The following PCDH7 variants were observed in gnomAD, a reference collection of about 807,000 sequenced individuals.
The protein encoded by PCDH7 is protocadherin-7.
PCDH7 carries 17 observed loss-of-function variants against 58.9 expected under a neutral mutation model. The observed-to-expected ratio is 0.29, with a 90% CI of 0.20 to 0.43. PCDH7 has a LOEUF of 0.43. Among genes scored for constraint, PCDH7 ranks in the 20% least tolerant of loss-of-function variants. The pLI, the probability that PCDH7 is intolerant of heterozygous loss-of-function variation, is 1.00. For synonymous variants in PCDH7, 664 were observed against 616.4 expected (o/e 1.08, Z -1.14); for missense variants, 1,274 against 1,441.0 (o/e 0.88, Z 1.88).
chr4:31,137,538 C>G (rs1450033525), intron 3 of PCDH7, among the ~76,000 whole-genome samples: 4 of 152,156 alleles, frequency 2.6e-5, no homozygotes, highest in Admixed American at 1.3e-4. Flanking sequence ...GAGCCGAGAT[C>G]GTGCCACTGC....
At chr4:30,924,756 C>A (rs1743620744) in intron 2 of PCDH7, among the ~76,000 whole-genome samples, 1 of 149,546 alleles carries the variant, frequency 6.7e-6, no homozygotes. Context: ...AGACATTTCA[C>A]AATAGAATAA....
intron 3 of PCDH7, among the ~76,000 whole-genome samples, chr4:30,969,378 T>C (rs1372386660): frequency 6.6e-6 from 1 of 152,156 alleles, no homozygotes; most frequent in African/African-American, 2.4e-5. Flanking sequence ...CTCAAAGCTT[T>C]CCAGGGGAAT....
intron 3 of PCDH7, among the ~76,000 whole-genome samples, chr4:31,016,864 G>A (rs1205149468): frequency 6.7e-6 from 1 of 149,450 alleles, no homozygotes; most frequent in Non-Finnish European, 1.5e-5. Flanking sequence ...GTGTGTGTGT[G>A]TGCTGAGTGT....
chr4:31,020,091 T>C (rs1482935236), intron 3 of PCDH7, among the ~76,000 whole-genome samples: 2 of 152,076 alleles, frequency 1.3e-5, no homozygotes, highest in Non-Finnish European at 2.9e-5. Context: ...AGACCCCTAG[T>C]CCCATTGATC....
intron 2 of PCDH7, among the ~76,000 whole-genome samples, chr4:30,936,730 C>T (rs28676746): frequency 0.037 from 5,550 of 151,916 alleles, 341 homozygotes; most frequent in African/African-American, 0.13. Flanking sequence ...ATAACTCAGA[C>T]GGTCAAATAT....
At chr4:30,921,720 C>T (rs1743207079) in intron 2 of PCDH7, among the ~76,000 whole-genome samples, 1 of 151,336 alleles carries the variant, frequency 6.6e-6, no homozygotes, top group Admixed American at 6.6e-5. Flanking sequence ...GGTGTGGTTT[C>T]TAAGAGTTAC....
chr4:30,971,421 C>T (rs1436912038), intron 3 of PCDH7, among the ~76,000 whole-genome samples: 4 of 152,142 alleles, frequency 2.6e-5, no homozygotes, highest in African/African-American at 7.2e-5. Context: ...AGGATTATTT[C>T]GCTAAAATGT....
At chr4:31,086,927 G>T (rs983880621) in intron 3 of PCDH7, among the ~76,000 whole-genome samples, 2 of 152,130 alleles carry the variant, frequency 1.3e-5, no homozygotes, top group Admixed American at 1.3e-4. Context: ...ACATAGCCAA[G>T]AATACCATCT....
intron 1 of PCDH7, among the ~76,000 whole-genome samples, chr4:30,907,524 G>T (rs989815212): frequency 1.3e-5 from 2 of 152,174 alleles, no homozygotes; most frequent in African/African-American, 2.4e-5. Flanking sequence ...GGTCATCAGA[G>T]AAATGCAAAT....
At chr4:30,825,192 GC>G (rs1728942317) in intron 1 of PCDH7, among the ~76,000 whole-genome samples, 2 of 152,082 alleles carry the variant, frequency 1.3e-5, no homozygotes, top group African/African-American at 4.8e-5. Flanking sequence ...TCCCTCTAGT[GC>G]TTTGACATTG....
intron 3 of PCDH7, among the ~76,000 whole-genome samples, chr4:31,111,493 A>G (rs1716313331): frequency 6.6e-6 from 1 of 151,980 alleles, no homozygotes; most frequent in African/African-American, 2.4e-5. Flanking sequence ...TATTTTTAGT[A>G]GAGACGGGGT....
At chr4:30,887,097 A>ATT (rs1737923568) in intron 1 of PCDH7, among the ~76,000 whole-genome samples, 1 of 151,854 alleles carries the variant, frequency 6.6e-6, no homozygotes, top group Non-Finnish European at 1.5e-5. Flanking sequence ...AACCTGCACA[A>ATT]TGTGCAGGTT....
At chr4:30,963,843 A>G (rs114634299) in intron 3 of PCDH7, among the ~76,000 whole-genome samples, 5,222 of 152,316 alleles carry the variant, frequency 0.034, 128 homozygotes, top group Non-Finnish European at 0.053. Context: ...TAAGAACAAG[A>G]CTGAATTCAG....
rs563604672 is a variant in PCDH7 at position 31,022,602 on chromosome 4, T to C, written c.*7+72387T>C. 3.4e-3 allele frequency among the ~76,000 whole-genome samples: 512 copies of C among 152,278 alleles called. 4 individuals carry two copies. The highest frequency in any genetic ancestry group is 6.3e-3 in the Non-Finnish European group (429 of 68,002). ...TCAAAAAGAGATTTTAACCCAGGTA[T>C]TGCAAGTGTAAATCATATTTATCAT... On this transcript the variant is annotated intron_variant, in intron 3 of 3. Coordinates refer to the PCDH7 transcript ENST00000509759.
intron 3 of PCDH7, among the ~76,000 whole-genome samples, chr4:31,119,427 A>C (rs1717385404): frequency 6.6e-6 from 1 of 152,094 alleles, no homozygotes; most frequent in Non-Finnish European, 1.5e-5. Flanking sequence ...CCAACTGCAA[A>C]TCCATATGGG....
intron 1 of PCDH7, among the ~76,000 whole-genome samples, chr4:30,799,919 T>A (rs1332637889): frequency 6.6e-6 from 1 of 151,712 alleles, no homozygotes; most frequent in Non-Finnish European, 1.5e-5. Flanking sequence ...AATGGCGCAA[T>A]CTTGGCTCAC....
intron 3 of PCDH7, among the ~76,000 whole-genome samples, chr4:31,000,173 A>G (rs1278866234): frequency 2.0e-5 from 3 of 152,116 alleles, no homozygotes; most frequent in African/African-American, 7.2e-5. Flanking sequence ...TTTGCAATTG[A>G]GAAGGCTGAA....
chr4:30,875,398 G>T (rs1736156495), intron 1 of PCDH7, among the ~76,000 whole-genome samples: 1 of 151,988 alleles, frequency 6.6e-6, no homozygotes, highest in African/African-American at 2.4e-5. Flanking sequence ...GGTAGTAGGG[G>T]TTAAGACTTT....
chr4:31,095,555 T>C (rs1713854680), intron 3 of PCDH7, among the ~76,000 whole-genome samples: 1 of 152,124 alleles, frequency 6.6e-6, no homozygotes, highest in Non-Finnish European at 1.5e-5. Context: ...TATAAAAAAT[T>C]CATTTTTATT....
Sources: allele counts gnomAD v4.1 joint callset (sites outside exome capture counted in the v4.1 genomes callset), GRCh38; gene constraint gnomAD v4.1.1; transcripts MANE v1.5; gene names NCBI Gene and HGNC (gene_info 2026-07-23, HGNC 2026-07-21).